Variants in TENM3 observed in about 807,000 individuals in gnomAD.
The protein encoded by TENM3 is teneurin transmembrane protein 3.
A neutral mutation model predicts 255.1 loss-of-function variants in TENM3; 63 were observed. The observed-to-expected ratio is 0.25, with a 90% confidence interval of 0.20 to 0.30. TENM3 has a LOEUF of 0.30. Among genes scored for constraint, TENM3 ranks in the 10% least tolerant of loss-of-function variants. The pLI, the probability that TENM3 is intolerant of heterozygous loss-of-function variation, is 1.00. For synonymous variants in TENM3, 1,306 were observed against 1,322.3 expected (o/e 0.99, Z 0.27); for missense variants, 2,929 against 3,461.1 (o/e 0.85, Z 3.86).
chr4:181,878,990 C>G, the TENM3 span, among the ~76,000 whole-genome samples: 4 of 152,134 alleles, frequency 2.6e-5, no homozygotes, highest in African/African-American at 4.8e-5. Context: ...GAGTTCTAGT[C>G]TATTCTCTTT....
upstream of TENM3, chr4:182,142,370 C>T (rs1181387817): frequency 6.1e-6 from 1 of 164,250 alleles, no homozygotes; most frequent in African/African-American, 2.4e-5. Flanking sequence ...CACTTAGCAA[C>T]TTCGGGAACA....
the TENM3 span, among the ~76,000 whole-genome samples, chr4:181,461,710 G>T: frequency 2.6e-5 from 4 of 152,042 alleles, no homozygotes; most frequent in South Asian, 8.3e-4. Context: ...AGTTCCACTG[G>T]GTTTCTTTTC....
At chr4:182,335,438 T>C (rs1198688231) in intron 2 of TENM3, among the ~76,000 whole-genome samples, 2 of 123,862 alleles carry the variant, frequency 1.6e-5, no homozygotes, top group Non-Finnish European at 3.3e-5. Flanking sequence ...GAGCTTGCAG[T>C]GAGCCGAGAT....
At chr4:181,481,321 C>T in the TENM3 span, among the ~76,000 whole-genome samples, 1 of 152,072 alleles carries the variant, frequency 6.6e-6, no homozygotes, top group Non-Finnish European at 1.5e-5. Flanking sequence ...CGATGCTATC[C>T]AGGCTCTGTT....
chr4:182,544,440 C>T (rs1013946391), intron 3 of TENM3, among the ~76,000 whole-genome samples: 1 of 147,400 alleles, frequency 6.8e-6, no homozygotes, highest in Admixed American at 7.0e-5. Context: ...AAGCGACTCT[C>T]CTACCTCAGT....
At chr4:181,988,694 T>C in the TENM3 span, among the ~76,000 whole-genome samples, 83 of 152,292 alleles carry the variant, frequency 5.5e-4, no homozygotes, top group African/African-American at 1.9e-3. Flanking sequence ...GGAACTGAGA[T>C]ACAGGTATGT....
chr4:182,037,804 C>CTCA, the TENM3 span, among the ~76,000 whole-genome samples: 18 of 152,096 alleles, frequency 1.2e-4, 1 homozygote, highest in Admixed American at 9.8e-4. Flanking sequence ...CATATTCCTA[C>CTCA]GTAACGACAC....
intron 1 of TENM3, among the ~76,000 whole-genome samples, chr4:182,247,437 G>A (rs1442093864): frequency 1.3e-5 from 2 of 152,164 alleles, no homozygotes; most frequent in Non-Finnish European, 1.5e-5. Flanking sequence ...CCATGGCTAA[G>A]GCAGAACTCA....
the TENM3 span, among the ~76,000 whole-genome samples, chr4:182,036,226 C>T: frequency 6.6e-6 from 1 of 151,990 alleles, no homozygotes; most frequent in East Asian, 1.9e-4. Flanking sequence ...GAGTCTTGCT[C>T]TATCGCCCAG....
At chr4:182,524,674 T>TTAAAACCAAACTCATATTTG (rs2151803948) in intron 3 of TENM3, among the ~76,000 whole-genome samples, 1 of 152,018 alleles carries the variant, frequency 6.6e-6, no homozygotes, top group East Asian at 1.9e-4. Context: ...CAAACCTCTT[T>TTAAAACCAAACTCATATTTG]TAAAACCAAA....
chr4:182,019,783 G>A, the TENM3 span, among the ~76,000 whole-genome samples: 1 of 152,038 alleles, frequency 6.6e-6, no homozygotes, highest in South Asian at 2.1e-4. Context: ...TCACACCTCA[G>A]CCTCCCAAGT....
intron 1 of TENM3, among the ~76,000 whole-genome samples, chr4:182,229,610 G>T (rs185865392): frequency 7.0e-6 from 1 of 142,932 alleles, no homozygotes; most frequent in African/African-American, 3.0e-5. Flanking sequence ...GTGTATGTGT[G>T]TATATATATG....
chr4:181,653,916 A>G, the TENM3 span, among the ~76,000 whole-genome samples: 811 of 151,594 alleles, frequency 5.3e-3, 3 homozygotes, highest in African/African-American at 0.019. Flanking sequence ...CCCTGTGTCC[A>G]TGCGTTCTCA....
the TENM3 span, among the ~76,000 whole-genome samples, chr4:182,116,041 A>G: frequency 1.3e-5 from 2 of 152,178 alleles, no homozygotes; most frequent in African/African-American, 2.4e-5. Flanking sequence ...TTGATGACAC[A>G]TCATTATTAC....
At chr4:182,325,950 T>C (rs1763370039) in intron 2 of TENM3, among the ~76,000 whole-genome samples, 1 of 152,102 alleles carries the variant, frequency 6.6e-6, no homozygotes, top group African/African-American at 2.4e-5. Context: ...TAGGCAGCCT[T>C]GATCCAGCGC....
chr4:182,505,329 C>G (rs1736702695), intron 3 of TENM3, among the ~76,000 whole-genome samples: 1 of 152,072 alleles, frequency 6.6e-6, no homozygotes, highest in African/African-American at 2.4e-5. Flanking sequence ...CAATACAGAT[C>G]TTAAAACTGC....
At chr4:182,759,324 C>G (rs900316233) in intron 22 of TENM3, among the ~76,000 whole-genome samples, 2 of 152,186 alleles carry the variant, frequency 1.3e-5, no homozygotes, top group East Asian at 3.8e-4. Context: ...GAGATGTAGA[C>G]AGGTCAGTGT....
intron 2 of TENM3, among the ~76,000 whole-genome samples, chr4:182,343,419 AT>A (rs1196162925): frequency 6.6e-6 from 1 of 152,258 alleles, no homozygotes; most frequent in African/African-American, 2.4e-5. Context: ...AATTAAAGCA[AT>A]GTTAGAACTA....
intron 1 of TENM3, among the ~76,000 whole-genome samples, chr4:182,199,422 A>C (rs2149820212): frequency 6.6e-6 from 1 of 152,230 alleles, no homozygotes; most frequent in African/African-American, 2.4e-5. Context: ...ACTCCATCTC[A>C]AAAAACAAAA....
Sources: gnomAD v4.1 joint callset for allele counts (sites outside exome capture counted in the v4.1 genomes callset) on GRCh38, gnomAD v4.1.1 for gene constraint, MANE v1.5 for transcripts, NCBI Gene and HGNC (gene_info 2026-07-23, HGNC 2026-07-21) for gene names.